The following RIMBP2 variants were observed in gnomAD, a reference collection of about 807,000 sequenced individuals.
The protein encoded by RIMBP2 is RIMS-binding protein 2.
Under a neutral mutation model 118.6 loss-of-function variants are expected in RIMBP2, and 48 were observed. The ratio of observed to expected loss-of-function variants is 0.40; its 90% CI spans 0.32 to 0.51. RIMBP2 has a LOEUF of 0.51. Ranked by LOEUF, RIMBP2 falls within the 20% of genes least tolerant of loss-of-function variation. The pLI, the probability that RIMBP2 is intolerant of heterozygous loss-of-function variation, is 0.41. For synonymous variants in RIMBP2, 762 were observed against 742.9 expected (o/e 1.03, Z -0.42); for missense variants, 1,551 against 1,768.3 (o/e 0.88, Z 2.20).
intron 4 of RIMBP2, among the ~76,000 whole-genome samples, chr12:130,493,600 C>T (rs2083499024): frequency 6.6e-6 from 1 of 152,136 alleles, no homozygotes; most frequent in African/African-American, 2.4e-5. Flanking sequence ...CAGGCGGGAG[C>T]CACCATGCCC....
At chr12:130,608,186 T>A in intron 2 of RIMBP2, among the ~76,000 whole-genome samples, 1 of 152,210 alleles carries the variant, frequency 6.6e-6, no homozygotes, top group East Asian at 1.9e-4. Context: ...TAGAAAACGC[T>A]TTGGTTTCTG....
chr12:130,459,569 AT>A (rs2079789199), intron 6 of RIMBP2, among the ~76,000 whole-genome samples: 1 of 152,192 alleles, frequency 6.6e-6, no homozygotes, highest in South Asian at 2.1e-4. Context: ...GGTGAAGATA[AT>A]GAAAGGTACC....
At chr12:130,579,772 G>A (rs935089384) in intron 2 of RIMBP2, among the ~76,000 whole-genome samples, 3 of 151,858 alleles carry the variant, frequency 2.0e-5, no homozygotes, top group Admixed American at 6.6e-5. Flanking sequence ...AGCAATGGTC[G>A]TGTTCACCAT....
rs1314179683 is a variant in RIMBP2 at position 130,578,518 on chromosome 12, CA to C, written c.-217+49803del. 6.6e-6 allele frequency among the ~76,000 whole-genome samples: 1 copy of C among 152,254 alleles called. No homozygotes were observed. Among genetic ancestry groups the C allele is most frequent in the African/African-American group, 2.4e-5 (1 of 41,472 alleles). On this transcript the variant is annotated intron_variant, in intron 2 of 22. Transcript: ENST00000690449. This position sits in a 1 kb window ranked among gnomAD's most constrained non-coding sequence, Gnocchi z 4.1. Reference sequence around the variant, plus strand: ...ATGCACAGACCTGTTCTCCTGGCCCCAGTCGTACATGCCTGTGTTCTGTTTC... The same window carrying C: ...ATGCACAGACCTGTTCTCCTGGCCCCGTCGTACATGCCTGTGTTCTGTTTC...
chr12:130,626,251 G>C (rs966473902), intron 2 of RIMBP2, among the ~76,000 whole-genome samples: 1 of 152,188 alleles, frequency 6.6e-6, no homozygotes, highest in Non-Finnish European at 1.5e-5. Flanking sequence ...AGGAATCAGA[G>C]GACTGGGTGT....
chr12:130,519,872 C>T (rs1467236002), intron 2 of RIMBP2, among the ~76,000 whole-genome samples: 1 of 152,180 alleles, frequency 6.6e-6, no homozygotes, highest in East Asian at 1.9e-4. Flanking sequence ...AAGCTGCAAC[C>T]CTAGCAGATG....
chr12:130,459,435 C>T (rs2079777298), intron 6 of RIMBP2, among the ~76,000 whole-genome samples: 1 of 152,064 alleles, frequency 6.6e-6, no homozygotes. Context: ...GAAGAGGGGC[C>T]ACGGGAACTC....
chr12:130,455,904 G>C (rs2079395740), intron 7 of RIMBP2, among the ~76,000 whole-genome samples: 1 of 152,062 alleles, frequency 6.6e-6, no homozygotes, highest in East Asian at 1.9e-4. Flanking sequence ...CGCTCTGCCT[G>C]CGACCAAGAC....
chr12:130,585,876 G>A (rs543296945), intron 2 of RIMBP2, among the ~76,000 whole-genome samples: 1 of 152,242 alleles, frequency 6.6e-6, no homozygotes, highest in East Asian at 1.9e-4. Flanking sequence ...GGCCCCCACA[G>A]GCCTTTTGAG....
chr12:130,536,178 T>TGAGA (rs947457212), intron 2 of RIMBP2, among the ~76,000 whole-genome samples: 1 of 150,842 alleles, frequency 6.6e-6, no homozygotes, highest in African/African-American at 2.4e-5. Flanking sequence ...TGTACAAAAA[T>TGAGA]GAGAGAGAGA....
chr12:130,407,652 C>G (rs1014362368), intron 20 of RIMBP2, 74 bp downstream of exon 20: 4 of 1,191,128 alleles, frequency 3.4e-6, no homozygotes, highest in Non-Finnish European at 5.0e-6. Context: ...CACACGTGGC[C>G]TCAGTGTGGT....
intron 3 of RIMBP2, among the ~76,000 whole-genome samples, chr12:130,515,786 C>T: frequency 6.6e-6 from 1 of 152,060 alleles, no homozygotes; most frequent in Non-Finnish European, 1.5e-5. Flanking sequence ...CAACCTCAAC[C>T]TCCCAGGTTC....
Position 130,511,316 on chromosome 12 carries a change from G to T in RIMBP2, c.-126-4546C>A, listed in dbSNP as rs183276206. ...CTTTAGGACTGAAGACCTCCAGAGC[G>T]GTGAGACACGGTGGTGTGTGTGCTT... On this transcript the variant is annotated intron_variant, in intron 3 of 22. Transcript: ENST00000690449. This position sits in a 1 kb window ranked among gnomAD's most constrained non-coding sequence, Gnocchi z 4.3. 6.6e-6 allele frequency among the ~76,000 whole-genome samples: 1 copy of T among 152,202 alleles called. No homozygotes were observed. The highest frequency in any genetic ancestry group is 1.9e-4 in the East Asian group (1 of 5,190).
In RIMBP2 at chr12:130,710,890, C is replaced by T. The variant is rs571076142; in HGVS notation, c.-352+5332G>A. Among the ~76,000 whole-genome samples, 1 of 152,244 alleles carries T rather than the reference C, an allele frequency of 6.6e-6. No individual in the cohort carries two copies. Among genetic ancestry groups the T allele is most frequent in the Non-Finnish European group, 1.5e-5 (1 of 68,042 alleles). On this transcript the variant is annotated intron_variant, in intron 1 of 22. Transcript: ENST00000690449. The surrounding 1 kb of genome is among the most constrained non-coding windows in gnomAD (Gnocchi z 4.3). ...ATCCTCACAGGCCCCGCACGTCACA[C>T]GTGGGGTCCCATGGAGCCCTGACAG...
chr12:130,432,576 G>C (rs1324932529), intron 14 of RIMBP2, among the ~76,000 whole-genome samples: 3 of 152,192 alleles, frequency 2.0e-5, no homozygotes, highest in African/African-American at 7.2e-5. Context: ...ATGACATCAT[G>C]ATGGTAGGGT....
At chr12:130,526,100 G>A (rs555083194) in intron 2 of RIMBP2, among the ~76,000 whole-genome samples, 1 of 152,092 alleles carries the variant, frequency 6.6e-6, no homozygotes, top group Non-Finnish European at 1.5e-5. Flanking sequence ...TGGCAGGGGT[G>A]GGGGGTTCTG....
In RIMBP2 at chr12:130,447,593, C is replaced by A. The variant is rs551394845; in HGVS notation, c.582-2324G>T. On this transcript the variant is annotated intron_variant, in intron 9 of 22. Coordinates refer to ENST00000690449, the MANE Select transcript of RIMBP2 (RefSeq NM_001393629.1). This position sits in a 1 kb window ranked among gnomAD's most constrained non-coding sequence, Gnocchi z 4.4. ...TGGGTTCTTGAGGGGCGATGGGAGACCCCCACATGTGGCCGTGGCATCTGT... is the reference window on the plus strand; with the variant it reads ...TGGGTTCTTGAGGGGCGATGGGAGAACCCCACATGTGGCCGTGGCATCTGT... 1.3e-5 allele frequency among the ~76,000 whole-genome samples: 2 copies of A among 152,124 alleles called. No individual in the cohort carries two copies. Among genetic ancestry groups the A allele is most frequent in the South Asian group, 2.1e-4 (1 of 4,824 alleles).
intron 1 of RIMBP2, among the ~76,000 whole-genome samples, chr12:130,679,851 T>G (rs1432164114): frequency 6.6e-6 from 1 of 152,182 alleles, no homozygotes; most frequent in East Asian, 1.9e-4. Context: ...CCTGTGACTG[T>G]GACCACGCAG....
chr12:130,408,053 A>T, intron 19 of RIMBP2, among the ~76,000 whole-genome samples: 1 of 152,130 alleles, frequency 6.6e-6, no homozygotes, highest in East Asian at 1.9e-4. Flanking sequence ...TCTCCCCCTT[A>T]GACTAACATG....
Sources: gnomAD v4.1 joint callset for allele counts (sites outside exome capture counted in the v4.1 genomes callset) on GRCh38, gnomAD v4.1.1 for gene constraint, Gnocchi (gnomAD v3.1) non-coding constraint, MANE v1.5 for transcripts, NCBI Gene and HGNC (gene_info 2026-07-23, HGNC 2026-07-21) for gene names.